The following INTS7 variants were observed in gnomAD, a reference collection of about 807,000 sequenced individuals.
The protein encoded by INTS7 is chromosome 1 open reading frame 73.
In INTS7, 46 loss-of-function variants were observed where a neutral mutation model predicts 109.2. The ratio of observed to expected loss-of-function variants is 0.42; its 90% CI spans 0.33 to 0.54. INTS7 has a LOEUF of 0.54. Ranked by LOEUF, INTS7 falls within the 20% of genes least tolerant of loss-of-function variation. The pLI, the probability that INTS7 is intolerant of heterozygous loss-of-function variation, is 0.07. For missense variants in INTS7, 929 were observed against 1,132.4 expected, an observed-to-expected ratio of 0.82 and a Z score of 2.58; for synonymous variants, 412 against 402.9, an observed-to-expected ratio of 1.02 and a Z score of -0.27.
intron 7 of INTS7, among the ~76,000 whole-genome samples, chr1:211,993,806 C>A (rs1665249357): frequency 6.6e-6 from 1 of 151,502 alleles, no homozygotes; most frequent in Non-Finnish European, 1.5e-5. Context: ...TATAAACACA[C>A]TAAAAAATGT....
chr1:211,972,040 C>A (rs1307316105), intron 13 of INTS7, among the ~76,000 whole-genome samples: 1 of 150,802 alleles, frequency 6.6e-6, no homozygotes. Flanking sequence ...AAACAGTATA[C>A]AAATGTGGAG....
At chr1:211,972,238 T>C (rs1370786776) in intron 13 of INTS7, among the ~76,000 whole-genome samples, 1 of 152,034 alleles carries the variant, frequency 6.6e-6, no homozygotes, top group East Asian at 1.9e-4. Context: ...ATTATGCCTA[T>C]TCAATATTTA....
chr1:211,976,972 T>C (rs1308309584), intron 11 of INTS7, among the ~76,000 whole-genome samples: 1 of 152,004 alleles, frequency 6.6e-6, no homozygotes, highest in Admixed American at 6.6e-5. Context: ...AATCAAACAA[T>C]GAGATACGTA....
At chr1:212,023,953 C>A (rs1402988999) in intron 1 of INTS7, among the ~76,000 whole-genome samples, 4 of 152,166 alleles carry the variant, frequency 2.6e-5, no homozygotes, top group African/African-American at 9.7e-5. Flanking sequence ...ATCCCTGTAC[C>A]ATTTATTGCA....
At chr1:212,004,690 A>G (rs1302621244) in intron 7 of INTS7, among the ~76,000 whole-genome samples, 1 of 152,256 alleles carries the variant, frequency 6.6e-6, no homozygotes, top group Non-Finnish European at 1.5e-5. Flanking sequence ...AAGGACTAAC[A>G]AAGTATGAGT....
At chr1:212,021,306 GAAAT>G in intron 1 of INTS7, 94 bp from the exon 2 acceptor site, 1 of 1,023,892 alleles carries the variant, frequency 9.8e-7, no homozygotes. Context: ...AGATAGTAAA[GAAAT>G]AATCATTCTT....
At position 211,942,601 on chromosome 1, in the gene INTS7, C is replaced by A. The variant is rs570157733; in HGVS notation, c.2602-490G>T. Among the ~76,000 whole-genome samples, 2 of 152,180 alleles carry A rather than the reference C, an allele frequency of 1.3e-5. No individual in the cohort carries two copies. The highest frequency in any genetic ancestry group is 2.4e-5 in the African/African-American group (1 of 41,440). ...TAAGCAAATTTAAGTTAGGTTCCCCCCCAACAGTTAGTCTGATTTTTATTA... is the reference window on the plus strand; with the variant it reads ...TAAGCAAATTTAAGTTAGGTTCCCCACCAACAGTTAGTCTGATTTTTATTA... On this transcript the variant is annotated intron_variant, in intron 19 of 19. Transcript: ENST00000366994. This position sits in a 1 kb window ranked among gnomAD's most constrained non-coding sequence, Gnocchi z 4.2.
At chr1:212,033,025 G>A (rs1251922024) in intron 1 of INTS7, among the ~76,000 whole-genome samples, 1 of 152,144 alleles carries the variant, frequency 6.6e-6, no homozygotes, top group African/African-American at 2.4e-5. Context: ...TATATTTGCG[G>A]AGTGTCTGCA....
intron 13 of INTS7, 33 bp from the exon 14 acceptor site, chr1:211,968,740 C>G: frequency 6.5e-7 from 1 of 1,549,252 alleles, no homozygotes; most frequent in East Asian, 2.2e-5. Flanking sequence ...ATATTTAAGA[C>G]AAAGTAAACA....
rs1665912639 is a variant in INTS7 at position 212,006,450 on chromosome 1, G to C, written c.879+189C>G. ...TTCACTGACTAAAACAAACATTGAA[G>C]TATAGAAGTTTTATGTATTTATTGT... is the stretch of plus-strand genomic sequence containing the variant. On this transcript the variant is annotated intron_variant, in intron 7 of 19. Transcript: ENST00000366994. Among the ~76,000 whole-genome samples the C allele has an allele frequency of 2.0e-5, 3 of 152,200 alleles. No homozygotes were observed. In the South Asian group the frequency reaches 6.2e-4, roughly 31 times the overall value.
At chr1:211,972,363 G>A (rs1664220606) in intron 13 of INTS7, among the ~76,000 whole-genome samples, 1 of 152,124 alleles carries the variant, frequency 6.6e-6, no homozygotes, top group South Asian at 2.1e-4. Flanking sequence ...TCACTAGTTT[G>A]AAAACCTAAA....
At chr1:212,026,919 T>C (rs530578505) in intron 1 of INTS7, among the ~76,000 whole-genome samples, 2 of 152,384 alleles carry the variant, frequency 1.3e-5, no homozygotes, top group South Asian at 4.1e-4. Context: ...AAAGACCATA[T>C]TGATTTGTTT....
chr1:211,982,455 T>C (rs1664706134), intron 9 of INTS7, among the ~76,000 whole-genome samples: 2 of 152,164 alleles, frequency 1.3e-5, no homozygotes, highest in Non-Finnish European at 2.9e-5. Context: ...CAATGCTCCA[T>C]AAAACCTTTC....
intron 16 of INTS7, among the ~76,000 whole-genome samples, chr1:211,964,037 G>A (rs1271356972): frequency 6.6e-6 from 1 of 152,120 alleles, no homozygotes; most frequent in Non-Finnish European, 1.5e-5. Flanking sequence ...CAAATAAGAA[G>A]AGAGGAAGTC....
At chr1:212,015,079 C>T (rs1017535582) in intron 4 of INTS7, among the ~76,000 whole-genome samples, 18 of 141,660 alleles carry the variant, frequency 1.3e-4, no homozygotes, top group Non-Finnish European at 2.5e-4. Flanking sequence ...CCGCCCCATC[C>T]GGGAGGTGGG....
intron 7 of INTS7, 36 bp downstream of exon 7, chr1:212,006,602 TA>T: frequency 9.2e-7 from 1 of 1,089,882 alleles, no homozygotes; most frequent in Non-Finnish European, 1.3e-6. Context: ...AATGTTATAT[TA>T]TTTTTTCTAT....
At chr1:211,956,998 TCAAA>T (rs1185109361) in intron 16 of INTS7, among the ~76,000 whole-genome samples, 1 of 152,198 alleles carries the variant, frequency 6.6e-6, no homozygotes, top group Admixed American at 6.5e-5. Flanking sequence ...TATGACATTG[TCAAA>T]CAGTTTTCCA....
intron 7 of INTS7, among the ~76,000 whole-genome samples, chr1:211,992,781 A>G (rs17018329): frequency 0.026 from 3,968 of 152,344 alleles, 57 homozygotes; most frequent in African/African-American, 0.046. Context: ...CCCAGAAATG[A>G]TACGTCAATC....
At position 211,941,397 on chromosome 1, in the gene INTS7, G is replaced by T; in HGVS notation, c.*427C>A. On this transcript the variant is annotated 3_prime_UTR_variant, in exon 20 of 20. Transcript: ENST00000366994. Reference sequence around the variant, plus strand: ...ATTTATTTTTTTGAGACGGAGTCTCGCTCTGTCGCCCAGGCTGGAGCACAG... The same window carrying T: ...ATTTATTTTTTTGAGACGGAGTCTCTCTCTGTCGCCCAGGCTGGAGCACAG... The T allele has an allele frequency of 6.4e-6, 1 of 155,194 alleles. No individual in the cohort carries two copies. Among genetic ancestry groups the T allele is most frequent in the Non-Finnish European group, 1.4e-5 (1 of 70,212 alleles). 9.6% of individuals were successfully genotyped at this position (155,194 alleles called of 1,614,324 possible). A position where few individuals can be genotyped will look rare whatever the true frequency, so the allele number is the denominator to read the frequency against.
Sources: allele counts gnomAD v4.1 joint callset (sites outside exome capture counted in the v4.1 genomes callset), GRCh38; gene constraint gnomAD v4.1.1; non-coding constraint Gnocchi (gnomAD v3.1); transcripts MANE v1.5; gene names NCBI Gene and HGNC (gene_info 2026-07-23, HGNC 2026-07-21).